NR5A2: variants seen among roughly 807,000 people sequenced by gnomAD.
The protein encoded by NR5A2 is nuclear receptor subfamily 5 group A member 2.
NR5A2 carries 26 observed loss-of-function variants against 62.7 expected under a neutral mutation model. The observed-to-expected ratio is 0.41, with a 90% CI of 0.30 to 0.58. The LOEUF (loss-of-function observed/expected upper bound fraction) is 0.58. NR5A2 is among the 20% of genes least tolerant of loss of function. NR5A2 has a pLI of 0.22. For missense variants in NR5A2, 541 were observed against 669.1 expected, an observed-to-expected ratio of 0.81 and a Z score of 2.11; for synonymous variants, 246 against 241.7, an observed-to-expected ratio of 1.02 and a Z score of -0.16.
chr1:200,174,232 GCTTTC>G lies in NR5A2; in HGVS notation c.*23_*27del. 6.7e-7 allele frequency: 1 copy of G among 1,500,092 alleles called. No homozygotes were observed. Among genetic ancestry groups the G allele is most frequent in the Admixed American group, 2.1e-5 (1 of 46,874 alleles). The allele number at this position is 1,500,092 out of a possible 1,614,324, so 92.9% of individuals were successfully genotyped here. A position where few individuals can be genotyped will look rare whatever the true frequency, so the allele number is the denominator to read the frequency against. On this transcript the variant is annotated 3_prime_UTR_variant, in exon 8 of 8. Coordinates refer to ENST00000367362, the MANE Select transcript of NR5A2 (RefSeq NM_205860.3). The stretch of plus-strand genomic sequence containing the variant: ...ATAAGTTACAACCCCTAGGAGCTCT[GCTTTC>G]AAAACAAAAAGAGATTGGGGGAGTG...
At chr1:200,118,019 CTTTTTTT>C (rs397982581) in intron 6 of NR5A2, among the ~76,000 whole-genome samples, 1 of 117,348 alleles carries the variant, frequency 8.5e-6, no homozygotes, top group East Asian at 2.5e-4. Flanking sequence ...TCGCCTTTTT[CTTTTTTT>C]TTTTTTTTTT....
chr1:200,051,421 A>G (rs949836329), intron 5 of NR5A2, among the ~76,000 whole-genome samples: 1 of 152,218 alleles, frequency 6.6e-6, no homozygotes, highest in African/African-American at 2.4e-5. Context: ...CATGAGGTTA[A>G]ATATTTGGCT....
chr1:200,105,398 G>T (rs1665601339), intron 5 of NR5A2, among the ~76,000 whole-genome samples: 1 of 152,114 alleles, frequency 6.6e-6, no homozygotes, highest in South Asian at 2.1e-4. Context: ...GCCTCCCCAA[G>T]AAATGGAATG....
intron 1 of NR5A2, among the ~76,000 whole-genome samples, chr1:200,031,051 C>G (rs1405709034): frequency 6.6e-6 from 1 of 152,156 alleles, no homozygotes; most frequent in Non-Finnish European, 1.5e-5. Context: ...CCACACAAGC[C>G]CATGTTCTGA....
At chr1:200,097,093 A>T (rs1348407145) in intron 5 of NR5A2, among the ~76,000 whole-genome samples, 2 of 152,210 alleles carry the variant, frequency 1.3e-5, no homozygotes, top group African/African-American at 4.8e-5. Flanking sequence ...GCTTTCCCTC[A>T]AAGAACAGTG....
intron 6 of NR5A2, among the ~76,000 whole-genome samples, chr1:200,112,733 A>G (rs1328921549): frequency 6.6e-6 from 1 of 152,150 alleles, no homozygotes; most frequent in Non-Finnish European, 1.5e-5. Flanking sequence ...TGTGCTTTCA[A>G]ATTTTTTTTG....
intron 5 of NR5A2, among the ~76,000 whole-genome samples, chr1:200,081,981 G>A (rs907580724): frequency 1.3e-5 from 2 of 151,978 alleles, no homozygotes; most frequent in African/African-American, 4.8e-5. Flanking sequence ...GGGGGTCACC[G>A]CAGTGTCAGT....
chr1:200,084,716 A>G (rs1417696567), intron 5 of NR5A2, among the ~76,000 whole-genome samples: 1 of 152,228 alleles, frequency 6.6e-6, no homozygotes, highest in African/African-American at 2.4e-5. Context: ...AAAATGCATT[A>G]ATCCCTTTGT....
intron 5 of NR5A2, among the ~76,000 whole-genome samples, chr1:200,098,512 T>C (rs1027798273): frequency 1.1e-4 from 16 of 152,366 alleles, no homozygotes; most frequent in African/African-American, 3.8e-4. Flanking sequence ...TCTTTACTCT[T>C]ATATGAAAGA....
At chr1:200,073,182 G>A (rs1280220125) in intron 5 of NR5A2, among the ~76,000 whole-genome samples, 1 of 148,976 alleles carries the variant, frequency 6.7e-6, no homozygotes, top group Non-Finnish European at 1.5e-5. Flanking sequence ...TCAGGTTTCA[G>A]TTTCACCTGA....
intron 7 of NR5A2, among the ~76,000 whole-genome samples, chr1:200,135,532 AAAGAAG>A (rs200025911): frequency 2.7e-4 from 38 of 138,622 alleles, no homozygotes; most frequent in South Asian, 1.1e-3. Flanking sequence ...AAAAAAAAAA[AAAGAAG>A]AAGAAGAAGA....
At chr1:200,099,904 C>CT (rs1337704236) in intron 5 of NR5A2, among the ~76,000 whole-genome samples, 1 of 152,176 alleles carries the variant, frequency 6.6e-6, no homozygotes, top group Non-Finnish European at 1.5e-5. Context: ...ACCTGGAATT[C>CT]TTTTTTGGCT....
intron 7 of NR5A2, among the ~76,000 whole-genome samples, chr1:200,145,825 T>G (rs1667675740): frequency 6.6e-6 from 1 of 152,112 alleles, no homozygotes; most frequent in Non-Finnish European, 1.5e-5. Context: ...CCTTGATACT[T>G]TGATGTCCCT....
At chr1:200,143,753 T>C (rs1379409991) in intron 7 of NR5A2, among the ~76,000 whole-genome samples, 1 of 151,444 alleles carries the variant, frequency 6.6e-6, no homozygotes, top group Non-Finnish European at 1.5e-5. Flanking sequence ...GCGATTCTCC[T>C]GTCTCAGCCT....
intron 5 of NR5A2, among the ~76,000 whole-genome samples, chr1:200,082,418 C>A (rs1664339733): frequency 6.6e-6 from 1 of 152,174 alleles, no homozygotes. Flanking sequence ...TTTGCATCAT[C>A]TGGCCATTGG....
At chr1:200,146,105 TAAGTAC>T (rs964427848) in intron 7 of NR5A2, among the ~76,000 whole-genome samples, 24 of 152,046 alleles carry the variant, frequency 1.6e-4, no homozygotes, top group African/African-American at 5.6e-4. Flanking sequence ...TAAAGACTAC[TAAGTAC>T]AAGAAACAAG....
At chr1:200,038,893 G>C (rs1234719389) in intron 1 of NR5A2, 6 of 554,672 alleles carry the variant, frequency 1.1e-5, no homozygotes, top group Non-Finnish European at 1.6e-5. Context: ...ATCCTTATTG[G>C]CTGGCGGCTA....
At chr1:200,028,015 T>C (rs1206002641) in intron 1 of NR5A2, 104 bp downstream of exon 1, 3 of 719,500 alleles carry the variant, frequency 4.2e-6, no homozygotes, top group East Asian at 2.7e-5. Context: ...GCTTTTCCTA[T>C]TATGTTTATT....
chr1:200,056,948 C>A (rs539845747), intron 5 of NR5A2, among the ~76,000 whole-genome samples: 7 of 152,294 alleles, frequency 4.6e-5, no homozygotes, highest in Non-Finnish European at 1.5e-5. Context: ...CTGTGTCCCT[C>A]CTGTTCGATA....
Sources: allele counts gnomAD v4.1 joint callset (sites outside exome capture counted in the v4.1 genomes callset), GRCh38; gene constraint gnomAD v4.1.1; transcripts MANE v1.5; gene names NCBI Gene and HGNC (gene_info 2026-07-23, HGNC 2026-07-21).